ZNF217: variants seen among roughly 807,000 people sequenced by gnomAD.
The protein encoded by ZNF217 is zinc finger protein 217.
A neutral mutation model predicts 73.3 loss-of-function variants in ZNF217; 12 were observed. That is an observed-to-expected ratio of 0.16 (90% CI 0.10 to 0.27). The LOEUF (loss-of-function observed/expected upper bound fraction) is 0.27. Ranked by LOEUF, ZNF217 falls within the 10% of genes least tolerant of loss-of-function variation. ZNF217 has a pLI of 1.00. For missense variants in ZNF217, 1,195 were observed against 1,327.8 expected (o/e 0.90, Z 1.55); for synonymous variants, 588 against 516.4 (o/e 1.14, Z -1.88).
At chr20:53,573,869 G>A (rs529891273) in intron 4 of ZNF217, among the ~76,000 whole-genome samples, 22 of 152,184 alleles carry the variant, frequency 1.4e-4, no homozygotes, top group Non-Finnish European at 2.6e-4. Flanking sequence ...TCAGGAGTTC[G>A]AGACCAGCCT....
chr20:53,577,224 G>C lies in ZNF217; in HGVS notation c.1540C>G (p.Leu514Val). Residue 514 changes from leucine to valine, a missense_variant, in exon 4 of 6, where the codon CTG (leucine) becomes GTG (valine). Around this residue, in one of 9 missense-constraint regions of ZNF217, gnomAD observed 12 missense variants for 53.8 expected, o/e 0.22. Transcript: ENST00000371471. Reference protein sequence around the residue: ...CEYAAAQKTSLRYHLERHHKE... With the variant: ...CEYAAAQKTSVRYHLERHHKE... Reference sequence around the variant, plus strand: ...TGATGTCTCTCCAAGTGATACCTCAGAGATGTCTTCTGGGCTGCAGCATAT... The same window carrying C: ...TGATGTCTCTCCAAGTGATACCTCACAGATGTCTTCTGGGCTGCAGCATAT... The C allele has an allele frequency of 6.2e-7, 1 of 1,607,936 alleles. No individual in the cohort carries two copies. Among genetic ancestry groups the C allele is most frequent in the Non-Finnish European group, 8.5e-7 (1 of 1,180,018 alleles).
chr20:53,567,968 A>C lies in ZNF217; in HGVS notation c.*1320T>G, dbSNP rs1987817284. On this transcript the variant is annotated 3_prime_UTR_variant, in exon 6 of 6. Coordinates refer to ENST00000371471, the MANE Select transcript of ZNF217 (RefSeq NM_006526.3). Reference sequence around the variant, plus strand: ...GTGGTCACTAAGCCCATGTACTAATAAACTCAGCCATGGACAGCATATTAA... The same window carrying C: ...GTGGTCACTAAGCCCATGTACTAATCAACTCAGCCATGGACAGCATATTAA... The C allele has an allele frequency of 6.5e-6, 1 of 152,680 alleles. No individual in the cohort carries two copies. The highest frequency in any genetic ancestry group is 1.5e-5 in the Non-Finnish European group (1 of 68,046). The allele number at this position is 152,680 out of a possible 1,614,324, so 9.5% of individuals were successfully genotyped here.
At chr20:53,574,912 T>C (rs1336655968) in intron 4 of ZNF217, 1 of 152,058 alleles carries the variant, frequency 6.6e-6, no homozygotes, top group Admixed American at 6.6e-5. Context: ...TGTGATGAAG[T>C]GAGGCAAGCT....
At position 53,581,557 on chromosome 20, in the gene ZNF217, G is replaced by C; in HGVS notation, c.1270C>G (p.Leu424Val). Residue 424 changes from leucine to valine, a missense_variant, in exon 2 of 6, where the codon CTC (leucine) becomes GTC (valine). Around this residue, in one of 9 missense-constraint regions of ZNF217, gnomAD observed 116 missense variants for 121.9 expected, o/e 0.95. Coordinates refer to ENST00000371471, the MANE Select transcript of ZNF217 (RefSeq NM_006526.3). This position sits in a 1 kb window ranked among gnomAD's most constrained non-coding sequence, Gnocchi z 4.9. ...CCATTTTCATCCAGAGGGGCGGCGA[G>C]GTCAGGAGAACACGTCCCCGGCTGC... ...GRQPGTCSPD[L>V]AAPLDENGAV... 1 of 1,614,222 alleles carries C rather than the reference G, an allele frequency of 6.2e-7. No individual in the cohort carries two copies. The highest frequency in any genetic ancestry group is 8.5e-7 in the Non-Finnish European group (1 of 1,180,026).
intron 1 of ZNF217, among the ~76,000 whole-genome samples, chr20:53,589,372 A>G (rs539320067): frequency 5.3e-5 from 8 of 152,338 alleles, no homozygotes; most frequent in African/African-American, 1.4e-4. Context: ...CTGTCCCCAA[A>G]TTTCCAGTAA....
chr20:53,578,901 G>A (rs1003640037), intron 2 of ZNF217, among the ~76,000 whole-genome samples: 5 of 152,114 alleles, frequency 3.3e-5, no homozygotes, highest in East Asian at 1.9e-4. Flanking sequence ...CAACCACCAG[G>A]GGAAAAATAA....
rs546140638 is a variant in ZNF217 at position 53,569,029 on chromosome 20, T to C, written c.*259A>G. 2.4e-5 allele frequency: 22 copies of C among 907,492 alleles called. No individual in the cohort carries two copies. The East Asian group carries it at 7.1e-4, about 29-fold the overall frequency. The allele number at this position is 907,492 out of a possible 1,614,324, so 56.2% of individuals were successfully genotyped here. A position where few individuals can be genotyped will look rare whatever the true frequency, so the allele number is the denominator to read the frequency against. ...AGAAAAATATTATTCAGGGACAAAA[T>C]AGAGATTTCCAGTCCCCATGTATGT... is the stretch of plus-strand genomic sequence containing the variant. On this transcript the variant is annotated 3_prime_UTR_variant, in exon 6 of 6. Coordinates refer to ENST00000371471, the MANE Select transcript of ZNF217 (RefSeq NM_006526.3).
At chr20:53,594,027 GCCT>G (rs1988984254), upstream of ZNF217, among the ~76,000 whole-genome samples, 1 of 149,992 alleles carries the variant, frequency 6.7e-6, no homozygotes, top group African/African-American at 2.5e-5. Context: ...GTGCCTTCGC[GCCT>G]CCAAGACCCC....
chr20:53,583,605 C>A (rs948069756), intron 1 of ZNF217, among the ~76,000 whole-genome samples: 3 of 152,140 alleles, frequency 2.0e-5, no homozygotes, highest in African/African-American at 7.2e-5. Flanking sequence ...CCAGTGTATA[C>A]AAAACAATTT....
chr20:53,585,545 G>C (rs750153868), intron 1 of ZNF217, among the ~76,000 whole-genome samples: 2 of 152,002 alleles, frequency 1.3e-5, no homozygotes, highest in Non-Finnish European at 2.9e-5. Flanking sequence ...TCCCCTCTCC[G>C]CCCAAAAAAA....
Position 53,582,281 on chromosome 20 carries a change from C to T in ZNF217, c.546G>A (p.Ser182=), listed in dbSNP as rs147735193. ...CTTGCTGCAGTTTGCTTCTGGCCCCCGATTTGCCATTATGTGTCCGCATGT... is the reference window on the plus strand; with the variant it reads ...CTTGCTGCAGTTTGCTTCTGGCCCCTGATTTGCCATTATGTGTCCGCATGT... ...KNHMRTHNGK[S]GARSKLQQGL... The change falls in exon 2 of 6, where the codon TCG becomes TCA. Residue 182 remains serine (S), a synonymous_variant. Coordinates refer to ENST00000371471, the MANE Select transcript of ZNF217 (RefSeq NM_006526.3). This position sits in a 1 kb window ranked among gnomAD's most constrained non-coding sequence, Gnocchi z 4.8. 185 of 1,614,156 alleles carry T rather than the reference C, an allele frequency of 1.1e-4. 2 individuals carry two copies. The African/African-American group carries it at 1.8e-3, about 16-fold the overall frequency.
intron 1 of ZNF217, among the ~76,000 whole-genome samples, chr20:53,584,899 A>G (rs1988635287): frequency 6.6e-6 from 1 of 152,150 alleles, no homozygotes; most frequent in Non-Finnish European, 1.5e-5. Flanking sequence ...CCCTAGAAAA[A>G]CAGTTATCAA....
intron 2 of ZNF217, among the ~76,000 whole-genome samples, chr20:53,578,984 A>C (rs1022572297): frequency 6.6e-6 from 1 of 152,226 alleles, no homozygotes; most frequent in South Asian, 2.1e-4. Flanking sequence ...AACAGAAAAG[A>C]AAGTCTGGCA....
chr20:53,593,252 CG>C (rs912280318), intron 1 of ZNF217, among the ~76,000 whole-genome samples: 1 of 152,080 alleles, frequency 6.6e-6, no homozygotes, highest in Non-Finnish European at 1.5e-5. Context: ...CCATTGTTTA[CG>C]GGGGGATGCC....
rs377457558 is a variant in ZNF217, at chr20:53,576,611, T to C, written c.2153A>G (p.Lys718Arg). 2.6e-5 allele frequency: 42 copies of C among 1,614,142 alleles called. No homozygotes were observed. The highest frequency in any genetic ancestry group is 3.5e-5 in the Non-Finnish European group (41 of 1,180,048). ...PSITCPFCTF[K>R]TFYPEVLMMH... ...CATTAAAACTTCTGGATAAAATGTC[T>C]TGAAGGTACAAAATGGACAGGTGAT... Residue 718 changes from lysine to arginine, a missense_variant, in exon 4 of 6, where the codon AAG becomes AGG. Physicochemically the swap from Lys to Arg is conservative, Grantham distance 26. Around this residue, in one of 9 missense-constraint regions of ZNF217, gnomAD observed 649 missense variants for 642.8 expected, o/e 1.01. Coordinates refer to ENST00000371471, the MANE Select transcript of ZNF217 (RefSeq NM_006526.3).
Position 53,569,149 on chromosome 20 carries a change from A to C in ZNF217, c.*139T>G. On this transcript the variant is annotated 3_prime_UTR_variant, in exon 6 of 6. Coordinates refer to ENST00000371471, the MANE Select transcript of ZNF217 (RefSeq NM_006526.3). ...CTGTAGTGTTCCTTGCAGATTCCTCATATGTTTTATGTACAGTACAATCAC... is the reference window on the plus strand; with the variant it reads ...CTGTAGTGTTCCTTGCAGATTCCTCCTATGTTTTATGTACAGTACAATCAC... The C allele has an allele frequency of 7.5e-7, 1 of 1,341,786 alleles. No homozygotes were observed. The highest frequency in any genetic ancestry group is 9.9e-7 in the Non-Finnish European group (1 of 1,009,916). 83.1% of individuals were successfully genotyped at this position (1,341,786 alleles called of 1,614,324 possible).
chr20:53,577,348 T>A, intron 3 of ZNF217, 68 bp from the exon 4 acceptor site: 1 of 1,385,664 alleles, frequency 7.2e-7, no homozygotes, highest in Non-Finnish European at 9.7e-7. Flanking sequence ...AAATATCTAT[T>A]TATTAAGAAA....
upstream of ZNF217, among the ~76,000 whole-genome samples, chr20:53,594,115 C>G (rs952752408): frequency 1.3e-5 from 2 of 149,916 alleles, no homozygotes; most frequent in African/African-American, 4.9e-5. Flanking sequence ...ACCTCGGGCG[C>G]GGGGCTAAGG....
Position 53,567,238 on chromosome 20 carries a change from A to T in ZNF217, c.*2050T>A, listed in dbSNP as rs567173138. On this transcript the variant is annotated 3_prime_UTR_variant, in exon 6 of 6. Transcript: ENST00000371471. The stretch of plus-strand genomic sequence containing the variant: ...TAAATACATAAACAAAAATCCAACG[A>T]ATTGTACCTCTATTATATGTACTGT... 1 of 152,770 alleles carries T rather than the reference A, an allele frequency of 6.5e-6. No individual in the cohort carries two copies. The highest frequency in any genetic ancestry group is 2.4e-5 in the African/African-American group (1 of 41,580). The allele number at this position is 152,770 out of a possible 1,614,324, so 9.5% of individuals were successfully genotyped here.
Sources: allele counts gnomAD v4.1 joint callset (sites outside exome capture counted in the v4.1 genomes callset), GRCh38; gene constraint gnomAD v4.1.1; regional missense constraint gnomAD v4.1.1; non-coding constraint Gnocchi (gnomAD v3.1); transcripts MANE v1.5; gene names NCBI Gene and HGNC (gene_info 2026-07-23, HGNC 2026-07-21).